Variants in MED27 observed in about 807,000 individuals in gnomAD.
The protein encoded by MED27 is mediator of RNA polymerase II transcription subunit 27.
MED27 carries 30 observed loss-of-function variants against 38.2 expected under a neutral mutation model. The ratio of observed to expected loss-of-function variants is 0.79; its 90% confidence interval spans 0.59 to 1.07. The LOEUF is 1.07. Ranked by LOEUF, MED27 falls within the 50% of genes least tolerant of loss-of-function variation. The pLI is 0.00. For synonymous variants in MED27, 122 were observed against 153.5 expected (o/e 0.79, Z 1.52); for missense variants, 289 against 397.5 (o/e 0.73, Z 2.32).
intron 2 of MED27, among the ~76,000 whole-genome samples, chr9:132,019,621 C>T (rs182310797): frequency 7.2e-5 from 11 of 152,348 alleles, no homozygotes; most frequent in Non-Finnish European, 1.3e-4. Flanking sequence ...CCCCTACCCA[C>T]AACCCCATTT....
At position 131,928,843 on chromosome 9, in the gene MED27, A is replaced by G. The variant is rs564193002; in HGVS notation, c.573+10538T>C. Among the ~76,000 whole-genome samples, 3 of 152,372 alleles carry G rather than the reference A, an allele frequency of 2.0e-5. No homozygotes were observed. In the East Asian group the frequency reaches 5.8e-4, roughly 29 times the overall value. On this transcript the variant is annotated intron_variant, in intron 4 of 7. Transcript: ENST00000292035. ...AGTTCTAGTGCTGGGCTGGGCTTAT[A>G]GCCAGTGGACTAGGGCGGCATGTGA...
At chr9:132,046,475 A>C (rs189806842) in intron 2 of MED27, among the ~76,000 whole-genome samples, 1 of 152,244 alleles carries the variant, frequency 6.6e-6, no homozygotes, top group South Asian at 2.1e-4. Flanking sequence ...CAAGTAAGAC[A>C]GAGGGAGTAC....
chr9:131,898,068 T>C (rs2131510673), intron 4 of MED27, among the ~76,000 whole-genome samples: 1 of 152,096 alleles, frequency 6.6e-6, no homozygotes, highest in South Asian at 2.1e-4. Flanking sequence ...CTGTATTACC[T>C]GCCAATTGAT....
At chr9:132,076,946 G>C (rs543120674) in intron 2 of MED27, among the ~76,000 whole-genome samples, 1 of 152,294 alleles carries the variant, frequency 6.6e-6, no homozygotes, top group East Asian at 1.9e-4. Context: ...ATCTCCCTTA[G>C]GTGGCATCTA....
chr9:132,062,092 C>T (rs1366259724), intron 2 of MED27, among the ~76,000 whole-genome samples: 1 of 152,216 alleles, frequency 6.6e-6, no homozygotes, highest in Non-Finnish European at 1.5e-5. Context: ...TATGCTCCTA[C>T]CTCCTCTCAA....
intron 2 of MED27, among the ~76,000 whole-genome samples, chr9:132,022,295 T>C (rs754201232): frequency 3.0e-4 from 45 of 152,236 alleles, no homozygotes; most frequent in Non-Finnish European, 5.9e-4. Flanking sequence ...ATTATACTTC[T>C]GGACTCAAGA....
chr9:131,943,033 C>T (rs1830815409), intron 3 of MED27, among the ~76,000 whole-genome samples: 1 of 152,148 alleles, frequency 6.6e-6, no homozygotes, highest in African/African-American at 2.4e-5. Flanking sequence ...TCTTCCCCAA[C>T]CCGTGACCTC....
At chr9:131,987,014 T>TTC (rs1831865644) in intron 3 of MED27, among the ~76,000 whole-genome samples, 2 of 141,452 alleles carry the variant, frequency 1.4e-5, no homozygotes, top group African/African-American at 2.7e-5. Flanking sequence ...TTTTTTTTTT[T>TTC]TTTTTTTTTT....
At chr9:131,955,628 G>A (rs1022012287) in intron 3 of MED27, among the ~76,000 whole-genome samples, 49 of 152,186 alleles carry the variant, frequency 3.2e-4, no homozygotes, top group Non-Finnish European at 6.0e-4. Flanking sequence ...CAATCTCTTC[G>A]ACAGCTAGAC....
chr9:131,924,156 T>C (rs1830443161), intron 4 of MED27, among the ~76,000 whole-genome samples: 1 of 152,212 alleles, frequency 6.6e-6, no homozygotes, highest in South Asian at 2.1e-4. Flanking sequence ...ATTGCCAAAG[T>C]CCCTTCAAAA....
At chr9:132,059,345 G>A (rs1833650587) in intron 2 of MED27, among the ~76,000 whole-genome samples, 1 of 152,218 alleles carries the variant, frequency 6.6e-6, no homozygotes, top group African/African-American at 2.4e-5. Context: ...AGGGAGGCCA[G>A]CTTCAAGTTT....
intron 4 of MED27, among the ~76,000 whole-genome samples, chr9:131,920,742 C>A (rs981445584): frequency 6.6e-6 from 1 of 151,942 alleles, no homozygotes; most frequent in Non-Finnish European, 1.5e-5. Context: ...CCTGGGGAAA[C>A]CTTTGGCCAA....
At chr9:132,037,227 C>A (rs7467576) in intron 2 of MED27, among the ~76,000 whole-genome samples, 2 of 152,034 alleles carry the variant, frequency 1.3e-5, no homozygotes, top group African/African-American at 4.8e-5. Context: ...GAAGTCACAA[C>A]GCGAATAAAC....
intron 3 of MED27, among the ~76,000 whole-genome samples, chr9:131,957,821 G>A (rs1462678283): frequency 6.6e-6 from 1 of 151,132 alleles, no homozygotes; most frequent in Non-Finnish European, 1.5e-5. Context: ...GTTCACGTCT[G>A]TAATCCTAGC....
Position 131,883,281 on chromosome 9 carries a change from C to T in MED27, c.723+777G>A, listed in dbSNP as rs541828277. On this transcript the variant is annotated intron_variant, in intron 6 of 7. Coordinates refer to ENST00000292035, the MANE Select transcript of MED27 (RefSeq NM_004269.4). The surrounding 1 kb of genome is among the most constrained non-coding windows in gnomAD (Gnocchi z 4.2). ...ACCAGAGACAGAAGATGGATGAGAA[C>T]AGAAGAAGCCGGCTGCTGCCCTGCA... is the stretch of plus-strand genomic sequence containing the variant. Among the ~76,000 whole-genome samples, 1 of 152,216 alleles carries T rather than the reference C, an allele frequency of 6.6e-6. No individual in the cohort carries two copies. The highest frequency in any genetic ancestry group is 2.1e-4 in the South Asian group (1 of 4,824).
In MED27 at chr9:131,862,043, G is replaced by A. The variant is rs1188689647; in HGVS notation, c.801+1020C>T. 1.3e-5 allele frequency among the ~76,000 whole-genome samples: 2 copies of A among 152,184 alleles called. No homozygotes were observed. The highest frequency in any genetic ancestry group is 2.9e-5 in the Non-Finnish European group (2 of 68,038). The stretch of plus-strand genomic sequence containing the variant: ...GAGCTCTTGCTGAAGATGGTCAGGG[G>A]AACTGTTCCCTGGACACACAGAAGG... On this transcript the variant is annotated intron_variant, in intron 7 of 7. Coordinates refer to ENST00000292035, the MANE Select transcript of MED27 (RefSeq NM_004269.4). This position sits in a 1 kb window ranked among gnomAD's most constrained non-coding sequence, Gnocchi z 4.6.
At chr9:132,038,989 C>T (rs543705815) in intron 2 of MED27, among the ~76,000 whole-genome samples, 13 of 152,234 alleles carry the variant, frequency 8.5e-5, no homozygotes, top group Admixed American at 1.3e-4. Context: ...GGCAGGGCTA[C>T]GACAAGAACA....
At chr9:131,906,721 T>C (rs1421032705) in intron 4 of MED27, among the ~76,000 whole-genome samples, 1 of 152,126 alleles carries the variant, frequency 6.6e-6, no homozygotes, top group Non-Finnish European at 1.5e-5. Flanking sequence ...TCGGATCTTG[T>C]GCAAGAAAGA....
At chr9:131,885,532 T>C (rs1839124756) in intron 5 of MED27, among the ~76,000 whole-genome samples, 1 of 152,128 alleles carries the variant, frequency 6.6e-6, no homozygotes, top group South Asian at 2.1e-4. Flanking sequence ...GCACCCCTAC[T>C]TGACGAATGA....
Sources: gnomAD v4.1 joint callset for allele counts (sites outside exome capture counted in the v4.1 genomes callset) on GRCh38, gnomAD v4.1.1 for gene constraint, Gnocchi (gnomAD v3.1) non-coding constraint, MANE v1.5 for transcripts, NCBI Gene and HGNC (gene_info 2026-07-23, HGNC 2026-07-21) for gene names.